The following TRDMT1 variants were observed in gnomAD, a reference collection of about 807,000 sequenced individuals.
TRDMT1 encodes tRNA aspartic acid methyltransferase 1.
Under a neutral mutation model 51.2 loss-of-function variants are expected in TRDMT1, and 49 were observed. That is an observed-to-expected ratio of 0.96 (90% CI 0.76 to 1.21). The LOEUF is 1.21. TRDMT1 is among the 50% of genes most tolerant of loss of function. The probability of loss-of-function intolerance (pLI) is 0.00; values close to 1 mark genes in which losing one functional copy is unlikely to be tolerated. For missense variants in TRDMT1, 534 were observed against 462.3 expected, an observed-to-expected ratio of 1.16 and a Z score of -1.42; for synonymous variants, 187 against 164.6, an observed-to-expected ratio of 1.14 and a Z score of -1.04.
intron 1 of TRDMT1, among the ~76,000 whole-genome samples, chr10:17,198,710 G>A (rs1011089003): frequency 3.3e-5 from 5 of 152,176 alleles, no homozygotes; most frequent in Non-Finnish European, 1.5e-5. Context: ...AAAAGTTTTA[G>A]AAATGAACAA....
intron 10 of TRDMT1, among the ~76,000 whole-genome samples, chr10:17,149,423 C>A (rs375031198): frequency 1.3e-5 from 2 of 152,110 alleles, no homozygotes; most frequent in African/African-American, 4.8e-5. Flanking sequence ...TGTATTAGTG[C>A]ACTTTTTAAA....
chr10:17,173,736 A>T (rs1272188902), intron 2 of TRDMT1, among the ~76,000 whole-genome samples: 2 of 150,070 alleles, frequency 1.3e-5, no homozygotes, highest in African/African-American at 2.5e-5. Flanking sequence ...TGTTTGTAAA[A>T]TTTTTCATGA....
chr10:17,147,792 T>C lies in TRDMT1; in HGVS notation c.*1248A>G, dbSNP rs191020957. On this transcript the variant is annotated 3_prime_UTR_variant, in exon 11 of 11. Transcript: ENST00000377799. The stretch of plus-strand genomic sequence containing the variant: ...ATAAACGCTGGTGTACAAATATCTG[T>C]TCAAGTCCCTGCTTTCAATTCTTTT... 168 of 175,260 alleles carry C rather than the reference T, an allele frequency of 9.6e-4. No homozygotes were observed. Among genetic ancestry groups the C allele is most frequent in the African/African-American group, 3.8e-3 (159 of 42,014 alleles). 10.9% of individuals were successfully genotyped at this position (175,260 alleles called of 1,614,324 possible).
At chr10:17,162,345 A>C (rs1028348892) in intron 3 of TRDMT1, 108 bp from the exon 4 acceptor site, 1 of 1,032,384 alleles carries the variant, frequency 9.7e-7, no homozygotes, top group Non-Finnish European at 1.4e-6. Context: ...AATAAAAATA[A>C]GTTGGTCCTC....
At chr10:17,149,209 C>A in intron 10 of TRDMT1, 69 bp from the exon 11 acceptor site, 1 of 1,258,744 alleles carries the variant, frequency 7.9e-7, no homozygotes, top group Admixed American at 1.9e-5. Context: ...AAGGATGTAT[C>A]CTTTAGTAAG....
At chr10:17,165,947 G>A (rs1841142156) in intron 3 of TRDMT1, among the ~76,000 whole-genome samples, 1 of 149,240 alleles carries the variant, frequency 6.7e-6, no homozygotes, top group South Asian at 2.1e-4. Context: ...TTCAACCATT[G>A]TGGAAGTCAG....
intron 1 of TRDMT1, among the ~76,000 whole-genome samples, chr10:17,200,772 A>T (rs1846048216): frequency 6.6e-6 from 1 of 152,184 alleles, no homozygotes; most frequent in African/African-American, 2.4e-5. Context: ...AGACGTGCAT[A>T]AAAGTAATAG....
intron 2 of TRDMT1, among the ~76,000 whole-genome samples, chr10:17,173,054 T>TA (rs1243734640): frequency 1.3e-4 from 20 of 152,242 alleles, no homozygotes; most frequent in African/African-American, 4.6e-4. Context: ...TAATTGTCTT[T>TA]AAAAAGACAT....
At chr10:17,162,536 G>A (rs1485116121) in intron 3 of TRDMT1, among the ~76,000 whole-genome samples, 2 of 151,932 alleles carry the variant, frequency 1.3e-5, no homozygotes, top group Non-Finnish European at 2.9e-5. Context: ...GCGAAACCCT[G>A]TCTCTACTAA....
At chr10:17,194,239 T>C (rs556831504) in intron 1 of TRDMT1, among the ~76,000 whole-genome samples, 1 of 152,294 alleles carries the variant, frequency 6.6e-6, no homozygotes, top group Admixed American at 6.5e-5. Flanking sequence ...CTCTGGACAT[T>C]GGCCTTGGAA....
At chr10:17,190,084 A>G (rs1844482594) in intron 1 of TRDMT1, among the ~76,000 whole-genome samples, 1 of 152,206 alleles carries the variant, frequency 6.6e-6, no homozygotes, top group South Asian at 2.1e-4. Context: ...AAGTAAAAGA[A>G]ACCATTGGTC....
intron 3 of TRDMT1, among the ~76,000 whole-genome samples, chr10:17,162,774 C>A (rs1588549215): frequency 6.6e-6 from 1 of 152,076 alleles, no homozygotes; most frequent in South Asian, 2.1e-4. Context: ...ACCTGGAAGG[C>A]AGAGGTTTAA....
chr10:17,199,204 TG>T (rs2131640598), intron 1 of TRDMT1, among the ~76,000 whole-genome samples: 1 of 152,286 alleles, frequency 6.6e-6, no homozygotes, highest in East Asian at 1.9e-4. Flanking sequence ...CAAACAAGTG[TG>T]GAAAAATATT....
chr10:17,179,059 C>T (rs559602879), intron 1 of TRDMT1, among the ~76,000 whole-genome samples: 1 of 152,096 alleles, frequency 6.6e-6, no homozygotes, highest in South Asian at 2.1e-4. Context: ...AAAAGGAGCA[C>T]AGTGAAGGAA....
At chr10:17,181,392 A>G (rs1843265971) in intron 1 of TRDMT1, among the ~76,000 whole-genome samples, 1 of 152,112 alleles carries the variant, frequency 6.6e-6, no homozygotes, top group South Asian at 2.1e-4. Flanking sequence ...AGACTACTCA[A>G]TCATCTCAGT....
intron 10 of TRDMT1, chr10:17,150,202 T>G (rs1189747328): frequency 2.2e-5 from 4 of 179,956 alleles, no homozygotes; most frequent in African/African-American, 9.5e-5. Context: ...AATATCACAT[T>G]GTGATTTGAT....
chr10:17,177,713 A>AACACAAAC (rs1842779090), intron 1 of TRDMT1, among the ~76,000 whole-genome samples: 1 of 147,032 alleles, frequency 6.8e-6, no homozygotes, highest in African/African-American at 2.5e-5. Flanking sequence ...ATAGACAAGA[A>AACACAAAC]ACACACACAC....
Position 17,200,864 on chromosome 10 carries a change from A to G in TRDMT1, c.64+707T>C, listed in dbSNP as rs189319736. On this transcript the variant is annotated intron_variant, in intron 1 of 10. Transcript: ENST00000377799. ...ATATTTGGAGTGGTTACAATGTATC[A>G]GGCACTAACAAGCACTTGACAGACT... Among the ~76,000 whole-genome samples the G allele has an allele frequency of 7.3e-3, 1,111 of 152,308 alleles. 16 individuals carry two copies. Among genetic ancestry groups the G allele is most frequent in the African/African-American group, 0.024 (1,017 of 41,550 alleles).
At chr10:17,196,293 A>C (rs1845421151) in intron 1 of TRDMT1, among the ~76,000 whole-genome samples, 1 of 152,272 alleles carries the variant, frequency 6.6e-6, no homozygotes, top group African/African-American at 2.4e-5. Context: ...GCTATTTGGC[A>C]GACAGGCCTT....
Sources: gnomAD v4.1 joint callset for allele counts (sites outside exome capture counted in the v4.1 genomes callset) on GRCh38, gnomAD v4.1.1 for gene constraint, MANE v1.5 for transcripts, NCBI Gene and HGNC (gene_info 2026-07-23, HGNC 2026-07-21) for gene names.